Variants in COL15A1 observed in about 807,000 individuals in gnomAD.
COL15A1 encodes collagen type XV alpha 1 chain, also known as collagen alpha-1(XV) chain.
A neutral mutation model predicts 165.9 loss-of-function variants in COL15A1; 111 were observed. That is an observed-to-expected ratio of 0.67 (90% CI 0.57 to 0.78). The LOEUF (loss-of-function observed/expected upper bound fraction) is 0.78. Ranked by LOEUF, COL15A1 falls within the 30% of genes least tolerant of loss-of-function variation. COL15A1 has a pLI of 0.00. For synonymous variants in COL15A1, 659 were observed against 674.8 expected, an observed-to-expected ratio of 0.98 and a Z score of 0.36; for missense variants, 1,745 against 1,789.7, an observed-to-expected ratio of 0.98 and a Z score of 0.45.
intron 39 of COL15A1, among the ~76,000 whole-genome samples, chr9:99,064,307 C>G (rs1253135587): frequency 6.6e-6 from 1 of 152,114 alleles, no homozygotes; most frequent in Non-Finnish European, 1.5e-5. Flanking sequence ...CAAGAGTTAC[C>G]AGGAGAATGA....
intron 3 of COL15A1, among the ~76,000 whole-genome samples, chr9:98,987,081 A>C (rs1838328086): frequency 6.6e-6 from 1 of 152,138 alleles, no homozygotes; most frequent in Non-Finnish European, 1.5e-5. Flanking sequence ...TCTCTGGCCC[A>C]GGGGTCAGTA....
At chr9:99,021,502 C>T (rs1839026655) in intron 12 of COL15A1, among the ~76,000 whole-genome samples, 1 of 152,198 alleles carries the variant, frequency 6.6e-6, no homozygotes, top group Non-Finnish European at 1.5e-5. Flanking sequence ...ACAGCCAAAA[C>T]CTCCTGGGAT....
chr9:99,024,899 C>T lies in COL15A1; in HGVS notation c.1880C>T (p.Pro627Leu). Residue 627 changes from proline (P) to leucine (L), a missense_variant, in exon 15 of 42, where the codon CCT becomes CTT. Coordinates refer to ENST00000375001, the MANE Select transcript of COL15A1 (RefSeq NM_001855.5). ...GGTCCTCCAGGACCCCCAGGGCCACCTGGCTTACCTGGGATTCCAGGAAAA... is the reference window on the plus strand; with the variant it reads ...GGTCCTCCAGGACCCCCAGGGCCACTTGGCTTACCTGGGATTCCAGGAAAA... Reference protein sequence around the residue: ...LRGPPGPPGPPGLPGIPGKPG... With the variant: ...LRGPPGPPGPLGLPGIPGKPG... 6.2e-7 allele frequency: 1 copy of T among 1,613,990 alleles called. No individual in the cohort carries two copies. Among genetic ancestry groups the T allele is most frequent in the Non-Finnish European group, 8.5e-7 (1 of 1,179,922 alleles).
chr9:99,028,276 A>T (rs1435367766), intron 16 of COL15A1, among the ~76,000 whole-genome samples: 1 of 152,174 alleles, frequency 6.6e-6, no homozygotes, highest in African/African-American at 2.4e-5. Context: ...AAAATATGAG[A>T]TTGAGATCAA....
chr9:99,054,185 C>T (rs914286766), intron 31 of COL15A1, among the ~76,000 whole-genome samples: 1 of 152,208 alleles, frequency 6.6e-6, no homozygotes, highest in African/African-American at 2.4e-5. Context: ...CCATGCTACA[C>T]AGGCCTAGAT....
Position 99,015,423 on chromosome 9 carries a change from A to T in COL15A1, c.1360A>T (p.Ser454Cys). The T allele has an allele frequency of 6.2e-7, 1 of 1,607,476 alleles. No individual in the cohort carries two copies. The highest frequency in any genetic ancestry group is 8.5e-7 in the Non-Finnish European group (1 of 1,175,102). Residue 454 changes from serine to cysteine, a missense_variant, in exon 10 of 42, where the codon AGC becomes TGC. Coordinates refer to ENST00000375001, the MANE Select transcript of COL15A1 (RefSeq NM_001855.5). ...CATGCCAATTTCATTTCAGGGTCCAAGCAGTGAAGACAGTTTAACAACAGC... is the reference window on the plus strand; with the variant it reads ...CATGCCAATTTCATTTCAGGGTCCATGCAGTGAAGACAGTTTAACAACAGC... The part of the protein sequence containing the change: ...SLGEEATVGP[S>C]SEDSLTTAAA...
chr9:99,001,047 A>G lies in COL15A1; in HGVS notation c.1065+96A>G, dbSNP rs374876750. ...ATTTTACTGAGCACCAGAGAGAACC[A>G]CAAGGGTTTTGGTTGAATAGCATCA... On this transcript the variant is annotated intron_variant, in intron 7 of 41. Transcript: ENST00000375001. 20 of 718,760 alleles carry G rather than the reference A, an allele frequency of 2.8e-5. No homozygotes were observed. In the East Asian group the frequency reaches 4.7e-4, roughly 17 times the overall value. The allele number at this position is 718,760 out of a possible 1,614,324, so 44.5% of individuals were successfully genotyped here.
At chr9:98,944,342 C>G in intron 2 of COL15A1, 92 bp downstream of exon 2, 1 of 1,241,152 alleles carries the variant, frequency 8.1e-7, no homozygotes, top group Non-Finnish European at 1.1e-6. Flanking sequence ...ATGCGTGCCT[C>G]ATTCCTGGAC....
At chr9:98,988,961 CAAAT>C (rs1415899416) in intron 4 of COL15A1, among the ~76,000 whole-genome samples, 1 of 151,394 alleles carries the variant, frequency 6.6e-6, no homozygotes, top group Non-Finnish European at 1.5e-5. Context: ...ATAAATAAAA[CAAAT>C]AACCAACCAT....
chr9:99,046,121 T>C (rs1839488139), intron 26 of COL15A1, among the ~76,000 whole-genome samples: 1 of 152,258 alleles, frequency 6.6e-6, no homozygotes, highest in Non-Finnish European at 1.5e-5. Context: ...GTCAGCAGGC[T>C]GCTGCAGATG....
intron 2 of COL15A1, among the ~76,000 whole-genome samples, chr9:98,983,343 G>A (rs1024557380): frequency 2.6e-5 from 4 of 152,154 alleles, no homozygotes; most frequent in African/African-American, 9.7e-5. Context: ...CATTGATATA[G>A]TAGGCAGACT....
rs146506256 is a variant in COL15A1 at position 99,065,297 on chromosome 9, C to T, written c.3652-1585C>T. Among the ~76,000 whole-genome samples the T allele has an allele frequency of 7.5e-3, 1,149 of 152,270 alleles. 10 individuals are homozygous for T. The highest frequency in any genetic ancestry group is 0.027 in the African/African-American group (1,101 of 41,540). On this transcript the variant is annotated intron_variant, in intron 39 of 41. Transcript: ENST00000375001. The stretch of plus-strand genomic sequence containing the variant: ...CCCTGGCATTGGGGAAGCCTCATTC[C>T]ATCAAGGCCTCGTGTGATGCACTCT...
intron 30 of COL15A1, among the ~76,000 whole-genome samples, chr9:99,051,567 A>C (rs568046384): frequency 7.6e-4 from 115 of 152,308 alleles, no homozygotes; most frequent in African/African-American, 2.7e-3. Flanking sequence ...CTTTATCAGC[A>C]TAGCCTGCAA....
chr9:98,967,258 G>A (rs1320072763), intron 2 of COL15A1, among the ~76,000 whole-genome samples: 1 of 152,152 alleles, frequency 6.6e-6, no homozygotes, highest in African/African-American at 2.4e-5. Flanking sequence ...AGTATGACTC[G>A]TAGACCTGGC....
At position 99,068,676 on chromosome 9, in the gene COL15A1, T is replaced by C; in HGVS notation, c.3953+6T>C. 6.6e-7 allele frequency: 1 copy of C among 1,504,250 alleles called. No individual in the cohort carries two copies. Among genetic ancestry groups the C allele is most frequent in the South Asian group, 1.3e-5 (1 of 79,382 alleles). 93.2% of individuals were successfully genotyped at this position (1,504,250 alleles called of 1,614,324 possible). The stretch of plus-strand genomic sequence containing the variant: ...ATAATGACAGATCCTTCTTGGTAAG[T>C]GAGGGTGGAAGTTCTCAGATATGGT... On this transcript the variant is annotated splice_donor_region_variant and intron_variant, in intron 41 of 41. Coordinates refer to ENST00000375001, the MANE Select transcript of COL15A1 (RefSeq NM_001855.5).
At chr9:98,944,670 G>A (rs991802010) in intron 2 of COL15A1, among the ~76,000 whole-genome samples, 5 of 152,268 alleles carry the variant, frequency 3.3e-5, no homozygotes, top group East Asian at 1.9e-4. Flanking sequence ...ATGAACACCG[G>A]GAGGGACATC....
At chr9:99,017,169 A>G (rs1312798274) in intron 11 of COL15A1, among the ~76,000 whole-genome samples, 2 of 152,238 alleles carry the variant, frequency 1.3e-5, no homozygotes, top group African/African-American at 4.8e-5. Flanking sequence ...AAGCCATCTG[A>G]ACTGACATTG....
At chr9:99,010,260 A>G (rs1300901189) in intron 9 of COL15A1, among the ~76,000 whole-genome samples, 1 of 152,260 alleles carries the variant, frequency 6.6e-6, no homozygotes, top group Non-Finnish European at 1.5e-5. Context: ...AAGCACATAC[A>G]GAAATGTAGA....
At chr9:99,025,479 T>A (rs1002912906) in intron 15 of COL15A1, among the ~76,000 whole-genome samples, 1 of 152,212 alleles carries the variant, frequency 6.6e-6, no homozygotes, top group Non-Finnish European at 1.5e-5. Flanking sequence ...GTAGATTAGG[T>A]GTATTAAATG....
Sources: gnomAD v4.1 joint callset for allele counts (sites outside exome capture counted in the v4.1 genomes callset) on GRCh38, gnomAD v4.1.1 for gene constraint, MANE v1.5 for transcripts, NCBI Gene and HGNC (gene_info 2026-07-23, HGNC 2026-07-21) for gene names.